The following CSMD3 variants were observed in gnomAD, a reference collection of about 807,000 sequenced individuals.
CSMD3 encodes the protein CUB and sushi domain-containing protein 3.
CSMD3 carries 177 observed loss-of-function variants against 435.2 expected under a neutral mutation model. The ratio of observed to expected loss-of-function variants is 0.41; its 90% CI spans 0.36 to 0.46. The LOEUF (loss-of-function observed/expected upper bound fraction) is 0.46. CSMD3 is among the 20% of genes least tolerant of loss of function. The pLI, the probability that CSMD3 is intolerant of heterozygous loss-of-function variation, is 0.34. For missense variants in CSMD3, 4,265 were observed against 4,504.6 expected (o/e 0.95, Z 1.52); for synonymous variants, 1,656 against 1,520.5 (o/e 1.09, Z -2.07).
At chr8:112,398,934 T>TA (rs1247031999) in intron 35 of CSMD3, among the ~76,000 whole-genome samples, 1 of 151,750 alleles carries the variant, frequency 6.6e-6, no homozygotes, top group Non-Finnish European at 1.5e-5. Context: ...TTTTTTTTTT[T>TA]AAGACAGAAT....
chr8:112,937,676 C>G (rs745886201), intron 9 of CSMD3, among the ~76,000 whole-genome samples: 1 of 151,966 alleles, frequency 6.6e-6, no homozygotes, highest in South Asian at 2.1e-4. Context: ...AAGGTGCCAT[C>G]CCAAAGAGGC....
chr8:112,471,147 T>C (rs1818481825), intron 32 of CSMD3, among the ~76,000 whole-genome samples: 1 of 152,116 alleles, frequency 6.6e-6, no homozygotes, highest in South Asian at 2.1e-4. Flanking sequence ...GTCAGGACAT[T>C]AAATGGCTAA....
intron 13 of CSMD3, among the ~76,000 whole-genome samples, chr8:112,705,874 T>A (rs2076488652): frequency 6.6e-6 from 1 of 152,082 alleles, no homozygotes; most frequent in African/African-American, 2.4e-5. Context: ...TATATTATAG[T>A]TTAGACTATT....
chr8:112,266,935 C>T (rs1817005474), intron 59 of CSMD3, among the ~76,000 whole-genome samples: 1 of 152,090 alleles, frequency 6.6e-6, no homozygotes, highest in Non-Finnish European at 1.5e-5. Context: ...CTTAACATGC[C>T]TTTTAGTCTG....
chr8:112,479,762 G>T (rs995420268), intron 31 of CSMD3, among the ~76,000 whole-genome samples: 3 of 152,224 alleles, frequency 2.0e-5, no homozygotes, highest in South Asian at 2.1e-4. Flanking sequence ...AAATGTCAGA[G>T]AATGTATAGA....
At chr8:112,262,268 A>C (rs1452553040) in intron 61 of CSMD3, among the ~76,000 whole-genome samples, 1 of 152,100 alleles carries the variant, frequency 6.6e-6, no homozygotes, top group Non-Finnish European at 1.5e-5. Context: ...AATATATCAC[A>C]TATGTATAAA....
At position 113,217,741 on chromosome 8, in the gene CSMD3, G is replaced by A. The variant is rs1023109406; in HGVS notation, c.515-43825C>T. On this transcript the variant is annotated intron_variant, in intron 3 of 70. Transcript: ENST00000297405. ...AGGAATATCAAGAGGTCTAATACAC[G>A]CACAACTGGAGTCTAAGAAGAAGAG... Among the ~76,000 whole-genome samples, 13 of 151,370 alleles carry A rather than the reference G, an allele frequency of 8.6e-5. No homozygotes were observed. The East Asian group carries it at 9.7e-4, about 11-fold the overall frequency.
intron 3 of CSMD3, 133 bp from the exon 4 acceptor site, chr8:113,174,049 T>C (rs945718307): frequency 3.5e-5 from 25 of 705,726 alleles, no homozygotes; most frequent in Admixed American, 6.7e-5. Context: ...AGGAACTGTC[T>C]TCTATTCCAA....
intron 40 of CSMD3, 63 bp downstream of exon 40, chr8:112,351,112 T>G: frequency 9.9e-7 from 1 of 1,013,990 alleles, no homozygotes; most frequent in Non-Finnish European, 1.6e-6. Context: ...TTACAAATAC[T>G]TTATAGTCTT....
chr8:113,213,468 G>A (rs771067705), intron 3 of CSMD3, among the ~76,000 whole-genome samples: 5 of 151,454 alleles, frequency 3.3e-5, no homozygotes, highest in Admixed American at 6.6e-5. Flanking sequence ...GAGGACAACC[G>A]TACCCAAATA....
At chr8:113,279,138 T>G (rs2093593987) in intron 2 of CSMD3, among the ~76,000 whole-genome samples, 1 of 151,190 alleles carries the variant, frequency 6.6e-6, no homozygotes, top group African/African-American at 2.4e-5. Flanking sequence ...AAGGCAATAT[T>G]TATGTAATTA....
intron 64 of CSMD3, 132 bp from the exon 65 acceptor site, chr8:112,244,705 T>C (rs1009871231): frequency 9.1e-6 from 6 of 659,498 alleles, no homozygotes; most frequent in Non-Finnish European, 1.6e-5. Flanking sequence ...ATTATTCTAA[T>C]AAATCACAAA....
At chr8:112,255,055 T>A (rs979108363) in intron 62 of CSMD3, among the ~76,000 whole-genome samples, 199 bp downstream of exon 62, 3 of 152,148 alleles carry the variant, frequency 2.0e-5, no homozygotes, top group African/African-American at 7.2e-5. Flanking sequence ...TTCAAGTGTT[T>A]CTTCTGGAAG....
chr8:112,741,064 A>T (rs549145711), intron 13 of CSMD3, among the ~76,000 whole-genome samples: 1 of 152,038 alleles, frequency 6.6e-6, no homozygotes, highest in East Asian at 1.9e-4. Context: ...AAAAGGACAG[A>T]ACTGTAGTGA....
chr8:113,245,377 CTATTA>C (rs772805912), intron 3 of CSMD3, among the ~76,000 whole-genome samples: 37 of 151,786 alleles, frequency 2.4e-4, no homozygotes, highest in Non-Finnish European at 4.4e-4. Flanking sequence ...AATATATGTC[CTATTA>C]TATCATTTTA....
At chr8:112,247,655 A>G (rs1814870013) in intron 63 of CSMD3, among the ~76,000 whole-genome samples, 1 of 152,128 alleles carries the variant, frequency 6.6e-6, no homozygotes, top group South Asian at 2.1e-4. Flanking sequence ...ACTAGCTTTT[A>G]AGGGTATAGT....
intron 11 of CSMD3, among the ~76,000 whole-genome samples, chr8:112,835,588 G>T (rs1213155914): frequency 6.6e-6 from 1 of 151,732 alleles, no homozygotes; most frequent in Non-Finnish European, 1.5e-5. Context: ...ATTATTCATT[G>T]TATCCAGTGT....
intron 1 of CSMD3, among the ~76,000 whole-genome samples, chr8:113,361,696 C>T (rs2094277881): frequency 8.6e-6 from 1 of 115,846 alleles, no homozygotes; most frequent in Non-Finnish European, 1.7e-5. Flanking sequence ...CATTGGTCAT[C>T]GAAAATTTAT....
At chr8:113,296,269 A>T (rs1197742070) in intron 2 of CSMD3, among the ~76,000 whole-genome samples, 1 of 146,594 alleles carries the variant, frequency 6.8e-6, no homozygotes, top group African/African-American at 2.5e-5. Flanking sequence ...CATATTGTGC[A>T]CATGTACCCT....
Sources: gnomAD v4.1 joint callset for allele counts (sites outside exome capture counted in the v4.1 genomes callset) on GRCh38, gnomAD v4.1.1 for gene constraint, MANE v1.5 for transcripts, NCBI Gene and HGNC (gene_info 2026-07-23, HGNC 2026-07-21) for gene names.